The following KPNB1 variants were observed in gnomAD, a reference collection of about 807,000 sequenced individuals.
KPNB1 encodes the protein karyopherin subunit beta 1, also known as importin subunit beta-1.
KPNB1 carries 7 observed loss-of-function variants against 113.0 expected under a neutral mutation model. That is an observed-to-expected ratio of 0.06 (90% CI 0.04 to 0.12). The LOEUF (loss-of-function observed/expected upper bound fraction) is 0.12, where lower values mean the gene tolerates loss of function less well. KPNB1 is among the 10% of genes least tolerant of loss of function. The pLI is 1.00. For synonymous variants in KPNB1, 363 were observed against 378.6 expected (o/e 0.96, Z 0.48); for missense variants, 400 against 1,054.8 (o/e 0.38, Z 8.60).
chr17:47,669,342 C>T (rs1428432586), intron 10 of KPNB1, among the ~76,000 whole-genome samples: 1 of 152,094 alleles, frequency 6.6e-6, no homozygotes, highest in Non-Finnish European at 1.5e-5. Context: ...TGACCTCAAG[C>T]AACTCCTGAC....
intron 2 of KPNB1, 21 bp downstream of exon 2, chr17:47,650,465 CCCATCCCGCCGCGT>C (rs766081931): frequency 6.3e-7 from 1 of 1,592,052 alleles, no homozygotes; most frequent in African/African-American, 1.3e-5. Flanking sequence ...CCCCGCCGCG[CCCATCCCGCCGCGT>C]CCCCATCCCC....
Position 47,654,604 on chromosome 17 carries a change from CTT to C in KPNB1, c.282+1731_282+1732del, listed in dbSNP as rs568434976. 2.9e-3 allele frequency among the ~76,000 whole-genome samples: 447 copies of C among 152,090 alleles called. 1 individual carries two copies. Among genetic ancestry groups the C allele is most frequent in the Non-Finnish European group, 5.0e-3 (340 of 67,994 alleles). On this transcript the variant is annotated intron_variant, in intron 3 of 21. Transcript: ENST00000290158. Reference sequence around the variant, plus strand: ...GGGGCACAATTGGGAGCTAGTTTCTCTTTTCTGATAATTGAATATTACTATTA... The same window carrying C: ...GGGGCACAATTGGGAGCTAGTTTCTCTTCTGATAATTGAATATTACTATTA...
chr17:47,670,755 T>G lies in KPNB1; in HGVS notation c.1470T>G (p.Asp490Glu). 6.2e-7 allele frequency: 1 copy of G among 1,613,520 alleles called. No individual in the cohort carries two copies. The highest frequency in any genetic ancestry group is 8.5e-7 in the Non-Finnish European group (1 of 1,179,452). The change falls in exon 12 of 22, where the codon GAT becomes GAG. Residue 490 changes from aspartate (D) to glutamate (E), a missense_variant. By Grantham distance (45) the Asp-to-Glu change is conservative. Around this residue, in one of 2 missense-constraint regions of KPNB1, gnomAD observed 285 missense variants for 627.0 expected, o/e 0.45. Transcript: ENST00000290158. ...AAYEAADVADDQEEPATYCLS... is the reference protein window; with the variant it reads ...AAYEAADVADEQEEPATYCLS... ...ATGAAGCTGCAGACGTTGCTGATGA[T>G]CAGGAAGAACCAGCTACTTACTGCT...
intron 19 of KPNB1, 125 bp downstream of exon 19, chr17:47,678,538 G>T: frequency 1.5e-6 from 1 of 681,040 alleles, no homozygotes; most frequent in Non-Finnish European, 2.7e-6. Flanking sequence ...CTGGGAGAAG[G>T]GGGAGCAGTG....
At position 47,680,673 on chromosome 17, in the gene KPNB1, A is replaced by C; in HGVS notation, c.2630+4A>C. ...GGAAACTGAAGAACCAAGCTTGGTA[A>C]GATCTTGCCTCCACTGTCCTCTTTC... is the stretch of plus-strand genomic sequence containing the variant. On this transcript the variant is annotated splice_donor_region_variant and intron_variant, in intron 21 of 21. Coordinates refer to ENST00000290158, the MANE Select transcript of KPNB1 (RefSeq NM_002265.6). 1.2e-6 allele frequency: 2 copies of C among 1,613,034 alleles called. No individual in the cohort carries two copies. The highest frequency in any genetic ancestry group is 1.7e-6 in the Non-Finnish European group (2 of 1,179,350).
At chr17:47,650,582 C>T (rs1456730372) in intron 2 of KPNB1, 138 bp downstream of exon 2, 4 of 747,328 alleles carry the variant, frequency 5.4e-6, no homozygotes, top group African/African-American at 5.3e-5. Context: ...CCTCCCCCCC[C>T]AACCCGGTCC....
At chr17:47,654,925 A>G (rs1219045623) in intron 3 of KPNB1, among the ~76,000 whole-genome samples, 1 of 151,984 alleles carries the variant, frequency 6.6e-6, no homozygotes, top group East Asian at 1.9e-4. Context: ...TGTCCATTCT[A>G]GCTCTGCTAG....
intron 2 of KPNB1, 39 bp downstream of exon 2, chr17:47,650,483 C>A (rs1469168649): frequency 1.3e-6 from 2 of 1,578,854 alleles, no homozygotes; most frequent in African/African-American, 2.7e-5. Context: ...GCCGCGTCCC[C>A]ATCCCCTGCG....
At chr17:47,659,941 T>C (rs2030041601) in intron 5 of KPNB1, among the ~76,000 whole-genome samples, 1 of 151,990 alleles carries the variant, frequency 6.6e-6, no homozygotes. Context: ...TGTGTATGTA[T>C]AATATATATG....
intron 3 of KPNB1, among the ~76,000 whole-genome samples, chr17:47,653,157 G>A (rs989178625): frequency 4.6e-5 from 7 of 152,030 alleles, no homozygotes; most frequent in Non-Finnish European, 1.0e-4. Flanking sequence ...TTGGCAAATG[G>A]GAGTAGTGTA....
intron 14 of KPNB1, chr17:47,673,932 A>T: frequency 5.5e-6 from 1 of 180,724 alleles, no homozygotes; most frequent in Non-Finnish European, 1.2e-5. Flanking sequence ...TTCCTTCCAG[A>T]TGTATAGCTC....
chr17:47,650,308 GGGCTGA>G (rs1439890606), intron 1 of KPNB1, 24 bp downstream of exon 1: 1 of 1,610,928 alleles, frequency 6.2e-7, no homozygotes, highest in Non-Finnish European at 8.5e-7. Flanking sequence ...GCCGGGGGTA[GGGCTGA>G]GGTGATTGGG....
rs1031982589 is a variant in KPNB1 at position 47,685,268 on chromosome 17, C to T, written c.*2864C>T. The T allele has an allele frequency of 1.3e-5, 2 of 152,112 alleles. No homozygotes were observed. Among genetic ancestry groups the T allele is most frequent in the Non-Finnish European group, 1.5e-5 (1 of 68,036 alleles). 9.4% of individuals were successfully genotyped at this position (152,112 alleles called of 1,614,324 possible). Reference sequence around the variant, plus strand: ...GAACCAAGCAATCTATTTACTCTTACAAATATTTAAGAAGTGTGTTAGTCC... The same window carrying T: ...GAACCAAGCAATCTATTTACTCTTATAAATATTTAAGAAGTGTGTTAGTCC... On this transcript the variant is annotated 3_prime_UTR_variant, in exon 22 of 22. Coordinates refer to ENST00000290158, the MANE Select transcript of KPNB1 (RefSeq NM_002265.6).
At chr17:47,655,983 G>A (rs1192178691) in intron 3 of KPNB1, among the ~76,000 whole-genome samples, 1 of 152,236 alleles carries the variant, frequency 6.6e-6, no homozygotes, top group Non-Finnish European at 1.5e-5. Context: ...GCCAGGCACA[G>A]TGGCTCACGC....
At chr17:47,676,071 G>A (rs1195649998) in intron 15 of KPNB1, among the ~76,000 whole-genome samples, 1 of 152,188 alleles carries the variant, frequency 6.6e-6, no homozygotes, top group Non-Finnish European at 1.5e-5. Context: ...AGATGAGGAG[G>A]TGGACAAGAG....
chr17:47,671,395 GT>G (rs1281901307), intron 12 of KPNB1, among the ~76,000 whole-genome samples: 1 of 152,242 alleles, frequency 6.6e-6, no homozygotes, highest in Non-Finnish European at 1.5e-5. Flanking sequence ...TTTGTAGAGA[GT>G]AATAGATCTA....
At chr17:47,673,819 G>T (rs1029158087) in intron 14 of KPNB1, 2 of 462,540 alleles carry the variant, frequency 4.3e-6, no homozygotes, top group Non-Finnish European at 7.8e-6. Flanking sequence ...AAACCAACTT[G>T]ACTTCTCCTA....
chr17:47,662,232 C>T (rs1000600540), intron 6 of KPNB1: 3 of 151,842 alleles, frequency 2.0e-5, no homozygotes, highest in East Asian at 1.9e-4. Context: ...ACCCGGGAGG[C>T]GGAGGTTGTA....
chr17:47,667,548 A>T (rs926498195), intron 9 of KPNB1, among the ~76,000 whole-genome samples: 2 of 149,136 alleles, frequency 1.3e-5, no homozygotes, highest in Non-Finnish European at 3.0e-5. Flanking sequence ...ATTTATTATT[A>T]TTTTTAATAC....
Sources: gnomAD v4.1 joint callset for allele counts (sites outside exome capture counted in the v4.1 genomes callset) on GRCh38, gnomAD v4.1.1 for gene constraint, gnomAD v4.1.1 regional missense constraint, MANE v1.5 for transcripts, NCBI Gene and HGNC (gene_info 2026-07-23, HGNC 2026-07-21) for gene names.